Variants in DCP2 observed in about 807,000 individuals in gnomAD.
The protein encoded by DCP2 is decapping mRNA 2.
A neutral mutation model predicts 56.1 loss-of-function variants in DCP2; 30 were observed. That is an observed-to-expected ratio of 0.53 (90% CI 0.40 to 0.73). DCP2 has a LOEUF of 0.73. Among genes scored for constraint, DCP2 ranks in the 30% least tolerant of loss-of-function variants. DCP2 has a pLI of 0.00. For synonymous variants in DCP2, 197 were observed against 163.3 expected (o/e 1.21, Z -1.57); for missense variants, 533 against 502.7 (o/e 1.06, Z -0.58).
intron 4 of DCP2, among the ~76,000 whole-genome samples, chr5:112,997,636 G>T (rs1187809709): frequency 6.7e-6 from 1 of 148,898 alleles, no homozygotes; most frequent in African/African-American, 2.5e-5. Flanking sequence ...TTGAGACGGA[G>T]TCTTGTTCTG....
At chr5:112,989,658 T>C in intron 2 of DCP2, among the ~76,000 whole-genome samples, 1 of 152,150 alleles carries the variant, frequency 6.6e-6, no homozygotes, top group East Asian at 1.9e-4. Context: ...CTTTCGGAGA[T>C]GGCCAAAGAA....
At chr5:112,998,004 C>T (rs866401743) in intron 4 of DCP2, among the ~76,000 whole-genome samples, 14 of 152,244 alleles carry the variant, frequency 9.2e-5, no homozygotes, top group African/African-American at 2.9e-4. Flanking sequence ...GAGAATTAAA[C>T]GCTATATTAT....
Position 113,010,802 on chromosome 5 carries a change from A to T in DCP2, c.1094A>T (p.Glu365Val). The change falls in exon 10 of 11, where the codon GAA becomes GTA. Residue 365 changes from glutamate to valine, a missense_variant. By Grantham distance (121) the Glu-to-Val change is moderately radical (BLOSUM62 -2). Transcript: ENST00000389063. Reference protein sequence around the residue: ...LHPRKLQDNFETDAVYDLPSS... With the variant: ...LHPRKLQDNFVTDAVYDLPSS... ...CCACGGAAACTTCAGGATAATTTTG[A>T]AACAGGCAAGTCATTTCCTATCTTT... 6.3e-7 allele frequency: 1 copy of T among 1,599,184 alleles called. No homozygotes were observed.
Position 113,001,480 on chromosome 5 carries a change from A to G in DCP2, c.698+11A>G, listed in dbSNP as rs771097845. The G allele has an allele frequency of 6.2e-6, 10 of 1,610,436 alleles. No homozygotes were observed. Among genetic ancestry groups the G allele is most frequent in the Middle Eastern group, 1.6e-4 (1 of 6,080 alleles). On this transcript the variant is annotated intron_variant, in intron 6 of 10. Transcript: ENST00000389063. ...CATTCCCTTTATCAGGTGTGTTCATATTTCTTGAAATGTAACTTTCATGAT... is the reference window on the plus strand; with the variant it reads ...CATTCCCTTTATCAGGTGTGTTCATGTTTCTTGAAATGTAACTTTCATGAT...
chr5:113,012,653 T>C (rs12656361), intron 10 of DCP2, among the ~76,000 whole-genome samples: 14 of 152,312 alleles, frequency 9.2e-5, no homozygotes, highest in East Asian at 5.8e-4. Context: ...TTTTTTCTTT[T>C]GTTTTTTTGA....
intron 2 of DCP2, among the ~76,000 whole-genome samples, chr5:112,987,752 G>T (rs1401057803): frequency 6.6e-6 from 1 of 150,694 alleles, no homozygotes; most frequent in East Asian, 1.9e-4. Flanking sequence ...GGGATTACAG[G>T]TATGAGCAAC....
intron 2 of DCP2, among the ~76,000 whole-genome samples, chr5:112,987,658 G>A (rs1030716696): frequency 1.4e-5 from 1 of 73,834 alleles, no homozygotes. Context: ...ATTTTTAGTA[G>A]AGATGGGGTT....
chr5:113,010,920 G>C, intron 10 of DCP2, 113 bp downstream of exon 10: 1 of 1,118,544 alleles, frequency 8.9e-7, no homozygotes, highest in Non-Finnish European at 1.3e-6. Context: ...AGGAAGAGTT[G>C]CATATGTTCT....
At chr5:112,992,562 AT>A (rs1179829615) in intron 3 of DCP2, 109 bp from the exon 4 acceptor site, 9 of 812,542 alleles carry the variant, frequency 1.1e-5, no homozygotes, top group Non-Finnish European at 1.7e-5. Context: ...ACTCTGTAAA[AT>A]TATTGGCGAT....
Position 113,016,713 on chromosome 5 carries a change from T to C in DCP2, c.*3229T>C, listed in dbSNP as rs761794088. 3.3e-5 allele frequency: 5 copies of C among 152,200 alleles called. No homozygotes were observed. The highest frequency in any genetic ancestry group is 5.9e-5 in the Non-Finnish European group (4 of 68,028). The allele number at this position is 152,200 out of a possible 1,614,324, so 9.4% of individuals were successfully genotyped here. A position where few individuals can be genotyped will look rare whatever the true frequency, so the allele number is the denominator to read the frequency against. On this transcript the variant is annotated 3_prime_UTR_variant, in exon 11 of 11. Coordinates refer to ENST00000389063, the MANE Select transcript of DCP2 (RefSeq NM_152624.6). ...TGTGCATTAAAAACATTTCACTACC[T>C]ATTCTCTCATGGACTTCTCATCCTT...
chr5:113,008,063 A>G, intron 9 of DCP2, 21 bp downstream of exon 9: 1 of 1,592,050 alleles, frequency 6.3e-7, no homozygotes, highest in Non-Finnish European at 8.6e-7. Context: ...TAGCTGTCAC[A>G]CTAAGTAGGC....
Position 113,016,056 on chromosome 5 carries a change from C to A in DCP2, c.*2572C>A. ...ATGTTACGTTCCAACCTTATATGTT[C>A]CAAGGTGCAGTGCACTGTGAATCTT... On this transcript the variant is annotated 3_prime_UTR_variant, in exon 11 of 11. Coordinates refer to ENST00000389063, the MANE Select transcript of DCP2 (RefSeq NM_152624.6). 6.6e-6 allele frequency: 1 copy of A among 152,564 alleles called. No homozygotes were observed. Among genetic ancestry groups the A allele is most frequent in the East Asian group, 1.9e-4 (1 of 5,200 alleles). 9.5% of individuals were successfully genotyped at this position (152,564 alleles called of 1,614,324 possible). A position where few individuals can be genotyped will look rare whatever the true frequency, so the allele number is the denominator to read the frequency against.
chr5:113,007,264 C>G (rs1749481669), intron 8 of DCP2, among the ~76,000 whole-genome samples: 1 of 152,122 alleles, frequency 6.6e-6, no homozygotes, highest in South Asian at 2.1e-4. Context: ...CCATTTTCTG[C>G]TTTAAGAACT....
At chr5:113,009,080 C>T (rs1205767985) in intron 9 of DCP2, among the ~76,000 whole-genome samples, 8 of 152,096 alleles carry the variant, frequency 5.3e-5, no homozygotes, top group South Asian at 2.1e-4. Context: ...CTCCAGACCT[C>T]GTGATCCACC....
rs368223382 is a variant in DCP2 at position 112,981,674 on chromosome 5, AT to A, written c.54-4160del. The stretch of plus-strand genomic sequence containing the variant: ...ATATCTGAATGAATTCTCCGTTCTT[AT>A]ATCCTACAAATTGGTCAAAATGATG... On this transcript the variant is annotated intron_variant, in intron 1 of 10. Coordinates refer to ENST00000389063, the MANE Select transcript of DCP2 (RefSeq NM_152624.6). 3.7e-3 allele frequency among the ~76,000 whole-genome samples: 565 copies of A among 152,322 alleles called. 3 individuals carry two copies. Among genetic ancestry groups the A allele is most frequent in the African/African-American group, 0.012 (518 of 41,568 alleles).
At chr5:112,998,524 C>T (rs1191399064) in intron 4 of DCP2, among the ~76,000 whole-genome samples, 4 of 152,138 alleles carry the variant, frequency 2.6e-5, no homozygotes, top group Non-Finnish European at 5.9e-5. Flanking sequence ...GTGCTGCTTG[C>T]GTTATTCATT....
chr5:112,978,634 G>A lies in DCP2; in HGVS notation c.53+1648G>A, dbSNP rs1227039749. Among the ~76,000 whole-genome samples, 9 of 151,590 alleles carry A rather than the reference G, an allele frequency of 5.9e-5. No homozygotes were observed. In the East Asian group the frequency reaches 1.2e-3, roughly 20 times the overall value. ...GGTAGATTTATAATTTTTGAAGTAT[G>A]GTAGATTCAAATGAACCACTGAAAA... On this transcript the variant is annotated intron_variant, in intron 1 of 10. Coordinates refer to ENST00000389063, the MANE Select transcript of DCP2 (RefSeq NM_152624.6).
chr5:112,992,869 C>G, intron 4 of DCP2, 99 bp downstream of exon 4: 1 of 756,984 alleles, frequency 1.3e-6, no homozygotes, highest in Non-Finnish European at 1.9e-6. Context: ...TGTCTTAACC[C>G]TTTCCAGAAC....
chr5:113,013,889 A>T lies in DCP2; in HGVS notation c.*405A>T, dbSNP rs1360825837. 1 of 155,460 alleles carries T rather than the reference A, an allele frequency of 6.4e-6. No homozygotes were observed. Among genetic ancestry groups the T allele is most frequent in the African/African-American group, 2.4e-5 (1 of 41,542 alleles). 9.6% of individuals were successfully genotyped at this position (155,460 alleles called of 1,614,324 possible). ...GAGTTTTTCAAAGAAACTTAAAGTA[A>T]TGCCCAATTATTAAATGAACACAAG... On this transcript the variant is annotated 3_prime_UTR_variant, in exon 11 of 11. Transcript: ENST00000389063.
Sources: allele counts gnomAD v4.1 joint callset (sites outside exome capture counted in the v4.1 genomes callset), GRCh38; gene constraint gnomAD v4.1.1; transcripts MANE v1.5; gene names NCBI Gene and HGNC (gene_info 2026-07-23, HGNC 2026-07-21).